Variants in POR observed in about 807,000 individuals in gnomAD.
The protein encoded by POR is NADPH--cytochrome P450 reductase.
A neutral mutation model predicts 84.0 loss-of-function variants in POR; 56 were observed. The ratio of observed to expected loss-of-function variants is 0.67; its 90% CI spans 0.54 to 0.83. POR has a LOEUF of 0.83. Ranked by LOEUF, POR falls within the 40% of genes least tolerant of loss-of-function variation. The pLI is 0.00. For missense variants in POR, 938 were observed against 944.3 expected (o/e 0.99, Z 0.09); for synonymous variants, 414 against 400.5 (o/e 1.03, Z -0.40).
chr7:75,978,177 G>A (rs781856876), intron 3 of POR, among the ~76,000 whole-genome samples: 1 of 152,204 alleles, frequency 6.6e-6, no homozygotes, highest in African/African-American at 2.4e-5. Context: ...GGTATAGAAA[G>A]AAAATACATA....
intron 2 of POR, chr7:75,970,851 C>T (rs1788395032): frequency 6.6e-6 from 1 of 151,944 alleles, no homozygotes; most frequent in African/African-American, 2.4e-5. Flanking sequence ...TTCTTACATT[C>T]TCGATCAAAG....
intron 2 of POR, chr7:75,968,024 C>T: frequency 4.4e-6 from 2 of 454,678 alleles, no homozygotes; most frequent in East Asian, 1.4e-4. Flanking sequence ...TGCTGGTGTC[C>T]AGGAGAGAGC....
intron 2 of POR, among the ~76,000 whole-genome samples, chr7:75,963,879 G>A (rs1373034575): frequency 6.6e-6 from 1 of 152,054 alleles, no homozygotes; most frequent in Admixed American, 6.5e-5. Context: ...ACACAGGAGA[G>A]CATCTTAGAG....
intron 1 of POR, among the ~76,000 whole-genome samples, chr7:75,952,760 G>A (rs1352467323): frequency 6.6e-6 from 1 of 151,728 alleles, no homozygotes; most frequent in South Asian, 2.1e-4. Flanking sequence ...TTCCTAGATG[G>A]GATGGCGGTG....
At chr7:75,972,835 T>G (rs1788501494) in intron 3 of POR, 1 of 304,560 alleles carries the variant, frequency 3.3e-6, no homozygotes, top group East Asian at 8.4e-5. Flanking sequence ...TTACTTTTTT[T>G]TTTTTGAGAT....
In POR at chr7:75,980,803, G is replaced by A. The variant is rs1788974534; in HGVS notation, c.517-245G>A. 3.1e-6 allele frequency: 4 copies of A among 1,305,278 alleles called. No homozygotes were observed. In the East Asian group the frequency reaches 1.0e-4, roughly 34 times the overall value. 80.9% of individuals were successfully genotyped at this position (1,305,278 alleles called of 1,614,324 possible). ...CCCAGCCCGGTGGGGAGGGTGGGCT[G>A]GCCCCGCTTCCCTGTGGGTTGAGGC... On this transcript the variant is annotated intron_variant, in intron 5 of 15. Coordinates refer to ENST00000461988, the MANE Select transcript of POR (RefSeq NM_000941.3).
chr7:75,965,623 A>G (rs1554555122), intron 2 of POR, among the ~76,000 whole-genome samples: 2 of 152,002 alleles, frequency 1.3e-5, no homozygotes. Context: ...GGGCTGAATA[A>G]CCCTGAGTTT....
intron 1 of POR, chr7:75,923,480 A>G (rs527442784): frequency 6.9e-5 from 35 of 508,018 alleles, no homozygotes; most frequent in South Asian, 5.4e-4. Context: ...ATTTTTATCA[A>G]TGAACTGGAA....
chr7:75,979,187 T>G (rs1788858372), intron 3 of POR, among the ~76,000 whole-genome samples: 2 of 152,200 alleles, frequency 1.3e-5, no homozygotes, highest in African/African-American at 4.8e-5. Flanking sequence ...TTAACTTTGT[T>G]TTTTCCCCGT....
Position 75,986,569 on chromosome 7 carries a change from T to TTC in POR, c.*89_*90insCT. ...CCGTAGTCTCCTGGGTGTGTTTGGC[T>TTC]TGGCCTTGGCATGGGCGCAGGCCCA... On this transcript the variant is annotated 3_prime_UTR_variant, in exon 16 of 16. Coordinates refer to ENST00000461988, the MANE Select transcript of POR (RefSeq NM_000941.3). 1 of 1,500,090 alleles carries TTC rather than the reference T, an allele frequency of 6.7e-7. No individual in the cohort carries two copies. The highest frequency in any genetic ancestry group is 2.4e-5 in the East Asian group (1 of 41,096). The allele number at this position is 1,500,090 out of a possible 1,614,324, so 92.9% of individuals were successfully genotyped here.
chr7:75,940,396 C>CTT (rs1387774172), intron 1 of POR, among the ~76,000 whole-genome samples: 1 of 151,894 alleles, frequency 6.6e-6, no homozygotes, highest in Non-Finnish European at 1.5e-5. Flanking sequence ...TTACTCTTAT[C>CTT]TTAGATATCA....
intron 2 of POR, among the ~76,000 whole-genome samples, chr7:75,964,112 G>C (rs1469701337): frequency 3.3e-5 from 5 of 151,434 alleles, no homozygotes; most frequent in Non-Finnish European, 5.9e-5. Flanking sequence ...TGATTCTCCT[G>C]CCTCAGCTTC....
intron 2 of POR, among the ~76,000 whole-genome samples, chr7:75,958,492 GC>G (rs769735436): frequency 2.3e-4 from 35 of 152,148 alleles, no homozygotes; most frequent in Non-Finnish European, 4.4e-4. Context: ...GACATGAGCA[GC>G]CCATTTTGCG....
In POR at chr7:75,985,208, G is replaced by A. The variant is rs371322093; in HGVS notation, c.1398+1G>A. The A allele has an allele frequency of 1.3e-6, 2 of 1,587,242 alleles. No individual in the cohort carries two copies. The highest frequency in any genetic ancestry group is 1.3e-5 in the African/African-American group (1 of 74,738). ...CTACTCCATCGCCTCATCCTCCAAG[G>A]TGAGGGCCGGCACTGCCCTGCCAGC... On this transcript the variant is annotated splice_donor_variant, in intron 12 of 15. Transcript: ENST00000461988. LOFTEE classifies it high-confidence loss of function.
chr7:75,949,694 A>G (rs1197757886), intron 1 of POR, among the ~76,000 whole-genome samples: 1 of 150,628 alleles, frequency 6.6e-6, no homozygotes, highest in Non-Finnish European at 1.5e-5. Flanking sequence ...TGATTTTTGT[A>G]TTTTTAGTAG....
chr7:75,926,263 G>A (rs940476745), intron 1 of POR, among the ~76,000 whole-genome samples: 2 of 151,850 alleles, frequency 1.3e-5, no homozygotes, highest in Non-Finnish European at 2.9e-5. Context: ...CCAAAGTGCT[G>A]GAATTACAGG....
chr7:75,958,868 A>G (rs1384150640), intron 2 of POR, among the ~76,000 whole-genome samples: 1 of 152,128 alleles, frequency 6.6e-6, no homozygotes, highest in Non-Finnish European at 1.5e-5. Flanking sequence ...TAATTTACCG[A>G]CAAGGAGAGT....
rs1374613257 is a variant in POR at position 75,980,420 on chromosome 7, G to A, written c.448G>A (p.Asp150Asn). ...CACCTACGGTGAGGGAGACCCCACC[G>A]ACAATGCCCAGGACTTCTACGACTG... Residue 150 changes from aspartate to asparagine, a missense_variant, in exon 5 of 16, where the codon GAC becomes AAC. Asp to Asn is a conservative substitution (Grantham distance 23). Transcript: ENST00000461988. 3.1e-6 allele frequency: 5 copies of A among 1,613,308 alleles called. No individual in the cohort carries two copies. The highest frequency in any genetic ancestry group is 4.2e-6 in the Non-Finnish European group (5 of 1,179,870).
chr7:75,926,195 CT>C (rs1807117011), intron 1 of POR, among the ~76,000 whole-genome samples: 1 of 151,722 alleles, frequency 6.6e-6, no homozygotes, highest in Non-Finnish European at 1.5e-5. Context: ...TGGGGTCTTG[CT>C]ATGTTGCCCA....
Sources: gnomAD v4.1 joint callset for allele counts (sites outside exome capture counted in the v4.1 genomes callset) on GRCh38, gnomAD v4.1.1 for gene constraint, MANE v1.5 for transcripts, NCBI Gene and HGNC (gene_info 2026-07-23, HGNC 2026-07-21) for gene names.